Variants in TP53INP2 observed in about 807,000 individuals in gnomAD.
The protein encoded by TP53INP2 is tumor protein p53-inducible nuclear protein 2.
In TP53INP2, 12 loss-of-function variants were observed where a neutral mutation model predicts 17.1. That is an observed-to-expected ratio of 0.70 (90% CI 0.45 to 1.14). The LOEUF (loss-of-function observed/expected upper bound fraction) is 1.14, where lower values mean the gene tolerates loss of function less well. Ranked by LOEUF, TP53INP2 falls within the 50% of genes most tolerant of loss-of-function variation. TP53INP2 has a pLI of 0.00. For missense variants in TP53INP2, 342 were observed against 330.9 expected, an observed-to-expected ratio of 1.03 and a Z score of -0.26; for synonymous variants, 145 against 147.3, an observed-to-expected ratio of 0.98 and a Z score of 0.12.
chr20:34,712,799 TGTCA>T lies in TP53INP2; in HGVS notation c.*2495_*2498del, dbSNP rs1407585703. 2 of 152,584 alleles carry T rather than the reference TGTCA, an allele frequency of 1.3e-5. No homozygotes were observed. Among genetic ancestry groups the T allele is most frequent in the African/African-American group, 4.8e-5 (2 of 41,436 alleles). The allele number at this position is 152,584 out of a possible 1,614,324, so 9.5% of individuals were successfully genotyped here. The stretch of plus-strand genomic sequence containing the variant: ...GTTTGTATCAATTTGTGAGTATTAA[TGTCA>T]GTACTACCAGCACTTTGCCAAAACT... On this transcript the variant is annotated 3_prime_UTR_variant, in exon 5 of 5. Transcript: ENST00000374810.
At position 34,709,319 on chromosome 20, in the gene TP53INP2, A is replaced by G; in HGVS notation, c.208A>G (p.Ser70Gly). 1 of 1,612,658 alleles carries G rather than the reference A, an allele frequency of 6.2e-7. No homozygotes were observed. Among genetic ancestry groups the G allele is most frequent in the Non-Finnish European group, 8.5e-7 (1 of 1,179,544 alleles). Residue 70 changes from serine (S) to glycine (G), a missense_variant, in exon 4 of 5, where the codon AGC becomes GGC. By Grantham distance (56) the Ser-to-Gly change is moderately conservative (BLOSUM62 0). Coordinates refer to ENST00000374810, the MANE Select transcript of TP53INP2 (RefSeq NM_021202.3). The surrounding 1 kb of genome is among the most constrained non-coding windows in gnomAD (Gnocchi z 5.4). ...GCCCGCGCCCTCCTTGATGGACGAG[A>G]GCTGGTTTGTTACCCCTCCCGCCTG... is the stretch of plus-strand genomic sequence containing the variant. ...PPPAPSLMDE[S>G]WFVTPPACFT...
In TP53INP2 at chr20:34,709,318, G is replaced by C. The variant is rs376280741; in HGVS notation, c.207G>C (p.Glu69Asp). 2 of 1,613,078 alleles carry C rather than the reference G, an allele frequency of 1.2e-6. No individual in the cohort carries two copies. ...RPPPAPSLMD[E>D]SWFVTPPACF... ...CGCCCGCGCCCTCCTTGATGGACGA[G>C]AGCTGGTTTGTTACCCCTCCCGCCT... Residue 69 changes from glutamate to aspartate, a missense_variant, in exon 4 of 5, where the codon GAG (glutamate) becomes GAC (aspartate). Transcript: ENST00000374810. This position sits in a 1 kb window ranked among gnomAD's most constrained non-coding sequence, Gnocchi z 5.4.
Position 34,708,806 on chromosome 20 carries a change from C to A in TP53INP2, c.67C>A (p.Arg23Ser), listed in dbSNP as rs760635396. 1 of 1,613,792 alleles carries A rather than the reference C, an allele frequency of 6.2e-7. No individual in the cohort carries two copies. Among genetic ancestry groups the A allele is most frequent in the Non-Finnish European group, 8.5e-7 (1 of 1,179,882 alleles). ...PSPPEDPDCPRAFVSEEDEVD... is the reference protein window; with the variant it reads ...PSPPEDPDCPSAFVSEEDEVD... ...GCCCCCCGAAGACCCCGACTGCCCC[C>A]GCGCCTTCGTGTCGGAGGAGGATGA... The change falls in exon 3 of 5, where the codon CGC becomes AGC. Residue 23 changes from arginine (R) to serine (S), a missense_variant. Arg to Ser is a moderately radical substitution (Grantham distance 110). Transcript: ENST00000374810.
In TP53INP2 at chr20:34,709,093, C is replaced by T. The variant is rs1988075340; in HGVS notation, c.125-143C>T. ...GGCGAGACGCCTGGCCCGTGGGTGC[C>T]CCGGGGCGCTGCGGACGGGCTGCGG... On this transcript the variant is annotated intron_variant, in intron 3 of 4. Coordinates refer to ENST00000374810, the MANE Select transcript of TP53INP2 (RefSeq NM_021202.3). This position sits in a 1 kb window ranked among gnomAD's most constrained non-coding sequence, Gnocchi z 5.4. The T allele has an allele frequency of 4.9e-6, 7 of 1,435,126 alleles. No individual in the cohort carries two copies. In the East Asian group the frequency reaches 1.5e-4, roughly 31 times the overall value. 88.9% of individuals were successfully genotyped at this position (1,435,126 alleles called of 1,614,324 possible).
chr20:34,709,767 C>T lies in TP53INP2; in HGVS notation c.413+243C>T, dbSNP rs1383881406. Among the ~76,000 whole-genome samples, 2 of 150,998 alleles carry T rather than the reference C, an allele frequency of 1.3e-5. No individual in the cohort carries two copies. The highest frequency in any genetic ancestry group is 1.3e-4 in the Admixed American group (2 of 15,208). Reference sequence around the variant, plus strand: ...GAGGGGCGTGGCCAAGAGGCTGGGGCCGGGGTTGGAGGCTTGAGGAGCGTG... The same window carrying T: ...GAGGGGCGTGGCCAAGAGGCTGGGGTCGGGGTTGGAGGCTTGAGGAGCGTG... On this transcript the variant is annotated intron_variant, in intron 4 of 4. Coordinates refer to ENST00000374810, the MANE Select transcript of TP53INP2 (RefSeq NM_021202.3). The surrounding 1 kb of genome is among the most constrained non-coding windows in gnomAD (Gnocchi z 5.4).
chr20:34,706,753 G>A (rs143892579), intron 2 of TP53INP2, among the ~76,000 whole-genome samples: 4 of 152,312 alleles, frequency 2.6e-5, no homozygotes, highest in Admixed American at 6.5e-5. Flanking sequence ...GTAGCAATAA[G>A]CATGGCAATA....
Position 34,710,531 on chromosome 20 carries a change from A to C in TP53INP2, c.*224A>C. On this transcript the variant is annotated 3_prime_UTR_variant, in exon 5 of 5. Coordinates refer to ENST00000374810, the MANE Select transcript of TP53INP2 (RefSeq NM_021202.3). The surrounding 1 kb of genome is among the most constrained non-coding windows in gnomAD (Gnocchi z 4.9). Reference sequence around the variant, plus strand: ...TCCTGGTCCCCATACCCAGCATCTAATCATCCATGCCCCCTACTCCTGGCC... The same window carrying C: ...TCCTGGTCCCCATACCCAGCATCTACTCATCCATGCCCCCTACTCCTGGCC... The C allele has an allele frequency of 4.9e-6, 2 of 405,064 alleles. No individual in the cohort carries two copies. Among genetic ancestry groups the C allele is most frequent in the Non-Finnish European group, 4.2e-6 (1 of 238,870 alleles). 25.1% of individuals were successfully genotyped at this position (405,064 alleles called of 1,614,324 possible).
At position 34,709,014 on chromosome 20, in the gene TP53INP2, C is replaced by A; in HGVS notation, c.124+151C>A. ...GGGCCCCTTCCCATGAAAGCCGGGG[C>A]TCTCTCCTGGCGGCCCAGGAGAGGC... On this transcript the variant is annotated intron_variant, in intron 3 of 4. Coordinates refer to ENST00000374810, the MANE Select transcript of TP53INP2 (RefSeq NM_021202.3). The surrounding 1 kb of genome is among the most constrained non-coding windows in gnomAD (Gnocchi z 5.4). 7.1e-7 allele frequency: 1 copy of A among 1,408,938 alleles called. No homozygotes were observed. The highest frequency in any genetic ancestry group is 9.4e-7 in the Non-Finnish European group (1 of 1,067,546). The allele number at this position is 1,408,938 out of a possible 1,614,324, so 87.3% of individuals were successfully genotyped here.
At position 34,711,393 on chromosome 20, in the gene TP53INP2, G is replaced by A. The variant is rs1392437744; in HGVS notation, c.*1086G>A. On this transcript the variant is annotated 3_prime_UTR_variant, in exon 5 of 5. Transcript: ENST00000374810. The surrounding 1 kb of genome is among the most constrained non-coding windows in gnomAD (Gnocchi z 4.1). ...CAGTGATGCTGGAGGACACACCATG[G>A]GGTGAAGCCATCCCAAGGCTGACAG... is the stretch of plus-strand genomic sequence containing the variant. The A allele has an allele frequency of 6.5e-6, 1 of 152,802 alleles. No homozygotes were observed. Among genetic ancestry groups the A allele is most frequent in the Non-Finnish European group, 1.5e-5 (1 of 68,224 alleles). The allele number at this position is 152,802 out of a possible 1,614,324, so 9.5% of individuals were successfully genotyped here.
Position 34,704,499 on chromosome 20 carries a change from C to G in TP53INP2, c.-180C>G, listed in dbSNP as rs532258892. ...AACTACCTCAACGCCGTGCCGCCCC[C>G]CTCCCGCCCCCAGGTGAGTCCCGAC... On this transcript the variant is annotated 5_prime_UTR_variant, in exon 1 of 5. Transcript: ENST00000374810. The G allele has an allele frequency of 9.9e-5, 15 of 152,196 alleles. No individual in the cohort carries two copies. The East Asian group carries it at 2.7e-3, about 28-fold the overall frequency. The allele number at this position is 152,196 out of a possible 1,614,324, so 9.4% of individuals were successfully genotyped here. A position where few individuals can be genotyped will look rare whatever the true frequency, so the allele number is the denominator to read the frequency against.
Position 34,709,852 on chromosome 20 carries a change from G to T in TP53INP2, c.414-206G>T, listed in dbSNP as rs953238153. Among the ~76,000 whole-genome samples, 2 of 152,140 alleles carry T rather than the reference G, an allele frequency of 1.3e-5. No homozygotes were observed. The highest frequency in any genetic ancestry group is 4.8e-5 in the African/African-American group (2 of 41,430). On this transcript the variant is annotated intron_variant, in intron 4 of 4. Transcript: ENST00000374810. The surrounding 1 kb of genome is among the most constrained non-coding windows in gnomAD (Gnocchi z 5.4). ...AGGCAAGGGTGGAATAGGGGGTGGG[G>T]GTCCAGTCTCCCCCGAGGTCCAGTT...
At position 34,711,727 on chromosome 20, in the gene TP53INP2, T is replaced by C. The variant is rs904073597; in HGVS notation, c.*1420T>C. 1.3e-5 allele frequency: 2 copies of C among 152,582 alleles called. No individual in the cohort carries two copies. The highest frequency in any genetic ancestry group is 6.5e-5 in the Admixed American group (1 of 15,272). 9.5% of individuals were successfully genotyped at this position (152,582 alleles called of 1,614,324 possible). ...GGCCACCAGCCTCCCCTTCTTGTGG[T>C]GAGACTGAATTTTGGGCTCAGACAC... On this transcript the variant is annotated 3_prime_UTR_variant, in exon 5 of 5. Transcript: ENST00000374810. The surrounding 1 kb of genome is among the most constrained non-coding windows in gnomAD (Gnocchi z 4.1).
At chr20:34,705,549 T>G (rs1987988053) in intron 2 of TP53INP2, 75 bp downstream of exon 2, 1 of 152,226 alleles carries the variant, frequency 6.6e-6, no homozygotes, top group Admixed American at 6.6e-5. Flanking sequence ...TTCCCTCTAT[T>G]GGCCCTTTAC....
chr20:34,710,005 A>AG lies in TP53INP2; in HGVS notation c.414-52dup. The AG allele has an allele frequency of 4.7e-6, 2 of 421,720 alleles. No homozygotes were observed. The highest frequency in any genetic ancestry group is 6.4e-6 in the Non-Finnish European group (2 of 312,096). 26.1% of individuals were successfully genotyped at this position (421,720 alleles called of 1,614,324 possible). A position where few individuals can be genotyped will look rare whatever the true frequency, so the allele number is the denominator to read the frequency against. On this transcript the variant is annotated intron_variant, in intron 4 of 4. Coordinates refer to ENST00000374810, the MANE Select transcript of TP53INP2 (RefSeq NM_021202.3). This position sits in a 1 kb window ranked among gnomAD's most constrained non-coding sequence, Gnocchi z 4.9. ...AGGGTGGGAGATGGCAGCGCCCTCT[A>AG]GACCCCCCGCCCAGCTTACCCGGCT...
At chr20:34,706,339 T>C (rs1001831926) in intron 2 of TP53INP2, among the ~76,000 whole-genome samples, 4 of 152,178 alleles carry the variant, frequency 2.6e-5, no homozygotes, top group African/African-American at 9.7e-5. Context: ...TTCTTTCTGA[T>C]CATCAGATTT....
chr20:34,710,004 T>TTGG lies in TP53INP2; in HGVS notation c.414-54_414-53insTGG. The TTGG allele has an allele frequency of 8.0e-6, 4 of 497,122 alleles. No homozygotes were observed. Among genetic ancestry groups the TTGG allele is most frequent in the Non-Finnish European group, 1.1e-5 (4 of 375,996 alleles). 30.8% of individuals were successfully genotyped at this position (497,122 alleles called of 1,614,324 possible). ...AAGGGTGGGAGATGGCAGCGCCCTC[T>TTGG]AGACCCCCCGCCCAGCTTACCCGGC... On this transcript the variant is annotated intron_variant, in intron 4 of 4. Transcript: ENST00000374810. This position sits in a 1 kb window ranked among gnomAD's most constrained non-coding sequence, Gnocchi z 4.9.
At position 34,710,431 on chromosome 20, in the gene TP53INP2, C is replaced by CTCT. The variant is rs1988159773; in HGVS notation, c.*125_*126insCTT. 2.2e-5 allele frequency: 24 copies of CTCT among 1,081,142 alleles called. No homozygotes were observed. The highest frequency in any genetic ancestry group is 2.7e-5 in the Non-Finnish European group (23 of 845,382). The allele number at this position is 1,081,142 out of a possible 1,614,324, so 67.0% of individuals were successfully genotyped here. ...GTGTGAGGTTGGGTGATAGCCGTTC[C>CTCT]TTCCCCGACACCCTCAATTTCCCCA... On this transcript the variant is annotated 3_prime_UTR_variant, in exon 5 of 5. Coordinates refer to ENST00000374810, the MANE Select transcript of TP53INP2 (RefSeq NM_021202.3). This position sits in a 1 kb window ranked among gnomAD's most constrained non-coding sequence, Gnocchi z 4.9.
Position 34,709,013 on chromosome 20 carries a change from G to A in TP53INP2, c.124+150G>A. 2.1e-6 allele frequency: 3 copies of A among 1,408,470 alleles called. No homozygotes were observed. Among genetic ancestry groups the A allele is most frequent in the Non-Finnish European group, 1.9e-6 (2 of 1,067,296 alleles). The allele number at this position is 1,408,470 out of a possible 1,614,324, so 87.2% of individuals were successfully genotyped here. A position where few individuals can be genotyped will look rare whatever the true frequency, so the allele number is the denominator to read the frequency against. On this transcript the variant is annotated intron_variant, in intron 3 of 4. Transcript: ENST00000374810. The surrounding 1 kb of genome is among the most constrained non-coding windows in gnomAD (Gnocchi z 5.4). ...GGGGCCCCTTCCCATGAAAGCCGGG[G>A]CTCTCTCCTGGCGGCCCAGGAGAGG...
rs773581160 is a variant in TP53INP2 at position 34,709,549 on chromosome 20, G to A, written c.413+25G>A. On this transcript the variant is annotated intron_variant, in intron 4 of 4. Coordinates refer to ENST00000374810, the MANE Select transcript of TP53INP2 (RefSeq NM_021202.3). This position sits in a 1 kb window ranked among gnomAD's most constrained non-coding sequence, Gnocchi z 5.4. ...GGTGAGCGGGCCGGGGGCGGAGCCT[G>A]GAGGCCCAGGGAGACGGATCTTGGA... The A allele has an allele frequency of 6.3e-7, 1 of 1,586,974 alleles. No homozygotes were observed. Among genetic ancestry groups the A allele is most frequent in the Non-Finnish European group, 8.5e-7 (1 of 1,172,758 alleles).
Sources: allele counts gnomAD v4.1 joint callset (sites outside exome capture counted in the v4.1 genomes callset), GRCh38; gene constraint gnomAD v4.1.1; non-coding constraint Gnocchi (gnomAD v3.1); transcripts MANE v1.5; gene names NCBI Gene and HGNC (gene_info 2026-07-23, HGNC 2026-07-21).